Variants in OR2F1 observed in about 807,000 individuals in gnomAD.
The protein encoded by OR2F1 is olfactory receptor family 2 subfamily F member 1.
For missense variants in OR2F1, 389 were observed against 378.2 expected, an observed-to-expected ratio of 1.03 and a Z score of -0.24; for synonymous variants, 146 against 155.3, an observed-to-expected ratio of 0.94 and a Z score of 0.44.
intron 1 of OR2F1, among the ~76,000 whole-genome samples, chr7:143,955,310 A>G (rs1335987785): frequency 6.6e-6 from 1 of 152,030 alleles, no homozygotes; most frequent in Non-Finnish European, 1.5e-5. Flanking sequence ...TTTTTCCTGT[A>G]ATTTTCAGGT....
In OR2F1 at chr7:143,961,015, C is replaced by T; in HGVS notation, c.*91C>T. 1.0e-6 allele frequency: 1 copy of T among 957,586 alleles called. No homozygotes were observed. Among genetic ancestry groups the T allele is most frequent in the Non-Finnish European group, 1.6e-6 (1 of 630,338 alleles). 59.3% of individuals were successfully genotyped at this position (957,586 alleles called of 1,614,324 possible). A position where few individuals can be genotyped will look rare whatever the true frequency, so the allele number is the denominator to read the frequency against. On this transcript the variant is annotated 3_prime_UTR_variant, in exon 3 of 3. Transcript: ENST00000641412. The stretch of plus-strand genomic sequence containing the variant: ...GGTGTAAACTACATTGCCCTGGCAA[C>T]CAGGAAGGAGATGACGTAGCATGTA...
rs1047381566 is a variant in OR2F1, at chr7:143,963,496, T to C, written c.*2572T>C. On this transcript the variant is annotated 3_prime_UTR_variant, in exon 3 of 3. Coordinates refer to ENST00000641412, the MANE Select transcript of OR2F1 (RefSeq NM_012369.3). ...CTTTAGAGAGACAAGACTAATAGGATAGATGAATATATGAAAAGGAGTTTA... is the reference window on the plus strand; with the variant it reads ...CTTTAGAGAGACAAGACTAATAGGACAGATGAATATATGAAAAGGAGTTTA... The C allele has an allele frequency of 2.0e-5, 3 of 152,170 alleles. No homozygotes were observed. The highest frequency in any genetic ancestry group is 7.2e-5 in the African/African-American group (3 of 41,428). 9.4% of individuals were successfully genotyped at this position (152,170 alleles called of 1,614,324 possible).
intron 1 of OR2F1, among the ~76,000 whole-genome samples, 175 bp from the exon 2 acceptor site, chr7:143,958,778 G>A (rs1216913941): frequency 6.6e-6 from 1 of 152,008 alleles, no homozygotes; most frequent in Non-Finnish European, 1.5e-5. Context: ...TACTGACAAA[G>A]CACTTGCTGA....
intron 1 of OR2F1, among the ~76,000 whole-genome samples, chr7:143,955,707 G>A (rs143408813): frequency 1.2e-4 from 19 of 152,244 alleles, no homozygotes; most frequent in Middle Eastern, 3.4e-3. Context: ...CCATTTTTCA[G>A]TACTGTGTTC....
In OR2F1 at chr7:143,960,695, C is replaced by G. The variant is rs747497292; in HGVS notation, c.725C>G (p.Ala242Gly). ...EGRKKAFHTC[A>G]SHLTVVALCY... is the part of the protein sequence containing the mutation. Reference sequence around the variant, plus strand: ...AGAAAGAAAGCTTTCCACACGTGTGCCTCTCACCTCACAGTGGTTGCCCTG... The same window carrying G: ...AGAAAGAAAGCTTTCCACACGTGTGGCTCTCACCTCACAGTGGTTGCCCTG... The change falls in exon 3 of 3, where the codon GCC becomes GGC. Residue 242 changes from alanine (A) to glycine (G), a missense_variant. Ala to Gly is a moderately conservative substitution (Grantham distance 60). Coordinates refer to ENST00000641412, the MANE Select transcript of OR2F1 (RefSeq NM_012369.3). 4 of 1,614,070 alleles carry G rather than the reference C, an allele frequency of 2.5e-6. No individual in the cohort carries two copies. In the South Asian group the frequency reaches 4.4e-5, roughly 18 times the overall value.
chr7:143,958,972 T>C lies in OR2F1; in HGVS notation c.-160T>C, dbSNP rs2050304287. On this transcript the variant is annotated 5_prime_UTR_variant, in exon 2 of 3. Coordinates refer to ENST00000641412, the MANE Select transcript of OR2F1 (RefSeq NM_012369.3). The stretch of plus-strand genomic sequence containing the variant: ...TGGCAGCCATAGCAACAGCAGCAAG[T>C]TGAAAAGAGCAAAAAAAAAAAAAAG... 1 of 149,670 alleles carries C rather than the reference T, an allele frequency of 6.7e-6. No homozygotes were observed. The highest frequency in any genetic ancestry group is 2.5e-5 in the African/African-American group (1 of 40,650). The allele number at this position is 149,670 out of a possible 1,614,324, so 9.3% of individuals were successfully genotyped here.
rs574256313 is a variant in OR2F1 at position 143,960,882 on chromosome 7, A to G, written c.912A>G (p.Leu304=). Reference sequence around the variant, plus strand: ...AGGTGAAGGGGGCCTGGCAGAAACTATTATGGAAATTCTCTGGGTTAACAT... The same window carrying G: ...AGGTGAAGGGGGCCTGGCAGAAACTGTTATGGAAATTCTCTGGGTTAACAT... ...NKEVKGAWQK[L]LWKFSGLTSK... Residue 304 remains leucine, a synonymous_variant, in exon 3 of 3, where the codon CTA becomes CTG. Transcript: ENST00000641412. 1.2e-6 allele frequency: 2 copies of G among 1,612,898 alleles called. No homozygotes were observed. The highest frequency in any genetic ancestry group is 2.2e-5 in the South Asian group (2 of 90,900).
At chr7:143,958,291 T>A (rs1352531628) in intron 1 of OR2F1, among the ~76,000 whole-genome samples, 6 of 152,206 alleles carry the variant, frequency 3.9e-5, no homozygotes, top group Non-Finnish European at 7.3e-5. Flanking sequence ...TTTTAGAATT[T>A]GAATTTGAAT....
chr7:143,957,153 A>G (rs1027089160), intron 1 of OR2F1, among the ~76,000 whole-genome samples: 10 of 152,318 alleles, frequency 6.6e-5, no homozygotes, highest in African/African-American at 2.4e-4. Flanking sequence ...ATAGCTAGAA[A>G]TAAAAAGACT....
Position 143,963,534 on chromosome 7 carries a change from G to A in OR2F1, c.*2610G>A, listed in dbSNP as rs1301973563. On this transcript the variant is annotated 3_prime_UTR_variant, in exon 3 of 3. Transcript: ENST00000641412. The stretch of plus-strand genomic sequence containing the variant: ...GAAAAGGAGTTTATTAAGGAGTATT[G>A]ACTCACACGATCAAAAGGTAAAGTA... The A allele has an allele frequency of 6.6e-6, 1 of 152,190 alleles. No homozygotes were observed. The highest frequency in any genetic ancestry group is 2.4e-5 in the African/African-American group (1 of 41,440). 9.4% of individuals were successfully genotyped at this position (152,190 alleles called of 1,614,324 possible). A position where few individuals can be genotyped will look rare whatever the true frequency, so the allele number is the denominator to read the frequency against.
Position 143,961,140 on chromosome 7 carries a change from A to C in OR2F1, c.*216A>C, listed in dbSNP as rs1466029976. ...TGGAGTTAGATACTGCTGTTATAAA[A>C]CCTCCCACACTTCTTCCACCTCCAC... is the stretch of plus-strand genomic sequence containing the variant. On this transcript the variant is annotated 3_prime_UTR_variant, in exon 3 of 3. Transcript: ENST00000641412. The C allele has an allele frequency of 2.0e-6, 1 of 490,746 alleles. No homozygotes were observed. Among genetic ancestry groups the C allele is most frequent in the Non-Finnish European group, 3.7e-6 (1 of 271,378 alleles). 30.4% of individuals were successfully genotyped at this position (490,746 alleles called of 1,614,324 possible).
chr7:143,956,592 A>T (rs6464563), intron 1 of OR2F1, among the ~76,000 whole-genome samples: 13,297 of 152,210 alleles, frequency 0.087, 770 homozygotes, highest in East Asian at 0.18. Flanking sequence ...AAAGTTAGTC[A>T]TAGAAGAAGA....
intron 1 of OR2F1, among the ~76,000 whole-genome samples, chr7:143,955,955 A>T (rs896213435): frequency 1.3e-5 from 2 of 152,214 alleles, no homozygotes; most frequent in Non-Finnish European, 2.9e-5. Flanking sequence ...AAAGAGCTAA[A>T]TAGGACTATT....
In OR2F1 at chr7:143,960,617, T is replaced by G. The variant is rs367856732; in HGVS notation, c.647T>G (p.Leu216Trp). Reference sequence around the variant, plus strand: ...ATGACACCCTTCTGCCTGGTTCTTTTGTCCTACATCCAGATCATCTCCACC... The same window carrying G: ...ATGACACCCTTCTGCCTGGTTCTTTGGTCCTACATCCAGATCATCTCCACC... ...LLMTPFCLVL[L>W]SYIQIISTIL... The change falls in exon 3 of 3, where the codon TTG becomes TGG. Residue 216 changes from leucine to tryptophan, a missense_variant. Coordinates refer to ENST00000641412, the MANE Select transcript of OR2F1 (RefSeq NM_012369.3). The G allele has an allele frequency of 1.8e-5, 29 of 1,614,094 alleles. No individual in the cohort carries two copies. Among genetic ancestry groups the G allele is most frequent in the Middle Eastern group, 1.6e-4 (1 of 6,084 alleles).
Position 143,960,113 on chromosome 7 carries a change from T to C in OR2F1, c.143T>C (p.Leu48Pro). ...CTGGGGAACTGTCTCATTGTCCTTC[T>C]GATCAGACTGGACAGCCGACTCCAC... ...TVLGNCLIVL[L>P]IRLDSRLHTP... Residue 48 changes from leucine to proline, a missense_variant, in exon 3 of 3, where the codon CTG becomes CCG. Coordinates refer to ENST00000641412, the MANE Select transcript of OR2F1 (RefSeq NM_012369.3). 6.2e-7 allele frequency: 1 copy of C among 1,614,170 alleles called. No individual in the cohort carries two copies. The highest frequency in any genetic ancestry group is 8.5e-7 in the Non-Finnish European group (1 of 1,180,036).
chr7:143,959,005 C>A lies in OR2F1; in HGVS notation c.-127C>A, dbSNP rs1395725981. The A allele has an allele frequency of 6.6e-6, 1 of 151,562 alleles. No individual in the cohort carries two copies. The highest frequency in any genetic ancestry group is 1.5e-5 in the Non-Finnish European group (1 of 67,936). The allele number at this position is 151,562 out of a possible 1,614,324, so 9.4% of individuals were successfully genotyped here. On this transcript the variant is annotated 5_prime_UTR_variant, in exon 2 of 3. Transcript: ENST00000641412. ...AGCAAAAAAAAAAAAAAGAGAGAGA[C>A]CGAAGTACAATTACAATCCCATCCC... is the stretch of plus-strand genomic sequence containing the variant.
rs2050351501 is a variant in OR2F1, at chr7:143,964,075, C to T, written c.*3151C>T. 1 of 151,952 alleles carries T rather than the reference C, an allele frequency of 6.6e-6. No individual in the cohort carries two copies. Among genetic ancestry groups the T allele is most frequent in the South Asian group, 2.1e-4 (1 of 4,776 alleles). The allele number at this position is 151,952 out of a possible 1,614,324, so 9.4% of individuals were successfully genotyped here. A position where few individuals can be genotyped will look rare whatever the true frequency, so the allele number is the denominator to read the frequency against. The stretch of plus-strand genomic sequence containing the variant: ...GATAGAGTTTTTAATTTCAAGGCTG[C>T]ACTTTCTCGGTAACTTTAATCTTCA... On this transcript the variant is annotated 3_prime_UTR_variant, in exon 3 of 3. Coordinates refer to ENST00000641412, the MANE Select transcript of OR2F1 (RefSeq NM_012369.3).
intron 1 of OR2F1, among the ~76,000 whole-genome samples, chr7:143,957,590 T>C (rs2050294345): frequency 6.6e-6 from 1 of 152,158 alleles, no homozygotes; most frequent in Non-Finnish European, 1.5e-5. Flanking sequence ...GATGCCTGTA[T>C]ATTTTCTTTT....
chr7:143,960,483 C>G lies in OR2F1; in HGVS notation c.513C>G (p.Asn171Lys), dbSNP rs145017866. The G allele has an allele frequency of 1.1e-5, 18 of 1,614,086 alleles. No individual in the cohort carries two copies. Among genetic ancestry groups the G allele is most frequent in the Non-Finnish European group, 1.3e-5 (15 of 1,180,056 alleles). Residue 171 changes from asparagine (N) to lysine (K), a missense_variant, in exon 3 of 3, where the codon AAC becomes AAG. Asn to Lys is a moderately conservative substitution (Grantham distance 94). Coordinates refer to ENST00000641412, the MANE Select transcript of OR2F1 (RefSeq NM_012369.3). The part of the protein sequence containing the change: ...AITFQLPMCR[N>K]KFIDHISCEL... ...CCTTTCAGCTGCCCATGTGCAGAAA[C>G]AAGTTTATTGATCACATATCCTGTG...
Sources: gnomAD v4.1 joint callset for allele counts (sites outside exome capture counted in the v4.1 genomes callset) on GRCh38, gnomAD v4.1.1 for gene constraint, MANE v1.5 for transcripts, NCBI Gene and HGNC (gene_info 2026-07-23, HGNC 2026-07-21) for gene names.